GRM8: variants seen among roughly 807,000 people sequenced by gnomAD.
The protein encoded by GRM8 is metabotropic glutamate receptor 8.
A neutral mutation model predicts 87.2 loss-of-function variants in GRM8; 47 were observed. The observed-to-expected ratio is 0.54, with a 90% CI of 0.43 to 0.69. The LOEUF is 0.69. GRM8 is among the 30% of genes least tolerant of loss of function. The pLI, the probability that GRM8 is intolerant of heterozygous loss-of-function variation, is 0.00. For synonymous variants in GRM8, 396 were observed against 404.5 expected (o/e 0.98, Z 0.25); for missense variants, 1,019 against 1,139.2 (o/e 0.89, Z 1.52).
intron 7 of GRM8, among the ~76,000 whole-genome samples, chr7:126,631,854 T>A (rs1412950800): frequency 6.6e-6 from 1 of 152,154 alleles, no homozygotes; most frequent in Non-Finnish European, 1.5e-5. Context: ...ACTGGATCCC[T>A]TTTTTACACC....
chr7:126,836,329 TGGGAGCACCACCA>T (rs1384534001), intron 6 of GRM8, among the ~76,000 whole-genome samples: 1 of 152,200 alleles, frequency 6.6e-6, no homozygotes, highest in African/African-American at 2.4e-5. Flanking sequence ...AAAAATTTCC[TGGGAGCACCACCA>T]GAAGAATGAT....
At chr7:126,607,140 A>G (rs1798440409) in intron 8 of GRM8, among the ~76,000 whole-genome samples, 2 of 152,218 alleles carry the variant, frequency 1.3e-5, no homozygotes, top group South Asian at 4.1e-4. Context: ...TCAAAAAGCT[A>G]TTGATTATCA....
At chr7:127,190,066 G>C (rs1043362292) in intron 2 of GRM8, among the ~76,000 whole-genome samples, 3 of 152,224 alleles carry the variant, frequency 2.0e-5, no homozygotes, top group African/African-American at 4.8e-5. Flanking sequence ...CACGTCTGCA[G>C]TCAGCTGGCA....
At chr7:126,606,453 T>A (rs976226184) in intron 8 of GRM8, among the ~76,000 whole-genome samples, 1 of 152,174 alleles carries the variant, frequency 6.6e-6, no homozygotes, top group Non-Finnish European at 1.5e-5. Flanking sequence ...ATTTTAGACA[T>A]GATAAAACTG....
intron 7 of GRM8, among the ~76,000 whole-genome samples, chr7:126,759,818 T>G (rs779709522): frequency 6.6e-6 from 1 of 152,178 alleles, no homozygotes; most frequent in Non-Finnish European, 1.5e-5. Context: ...TATCATCACC[T>G]TACATTTAAA....
chr7:127,114,760 G>C (rs944096122), intron 2 of GRM8, among the ~76,000 whole-genome samples: 18 of 152,154 alleles, frequency 1.2e-4, no homozygotes, highest in African/African-American at 3.1e-4. Context: ...CACTTACAAA[G>C]TCATATGTTG....
rs374970421 is a variant in GRM8 at position 126,982,901 on chromosome 7, G to A, written c.728-78218C>T. On this transcript the variant is annotated intron_variant, in intron 3 of 10. Transcript: ENST00000339582. ...TCTGCAGTCCTGCCTGGATTGGGCT[G>A]CTGTAGTTTCCCATTGACCTTAATC... 2.6e-5 allele frequency among the ~76,000 whole-genome samples: 4 copies of A among 152,112 alleles called. No homozygotes were observed. The East Asian group carries it at 7.7e-4, about 29-fold the overall frequency.
rs1175440664 is a variant in GRM8 at position 126,786,937 on chromosome 7, T to C, written c.1157-16872A>G. Among the ~76,000 whole-genome samples the C allele has an allele frequency of 2.6e-5, 4 of 152,342 alleles. No homozygotes were observed. The East Asian group carries it at 5.8e-4, about 22-fold the overall frequency. On this transcript the variant is annotated intron_variant, in intron 6 of 10. Coordinates refer to ENST00000339582, the MANE Select transcript of GRM8 (RefSeq NM_000845.3). ...CAGAGTTATTTTCAGCATCATATTGTTTTCATTTTGCAAATGTTTTTCTGG... is the reference window on the plus strand; with the variant it reads ...CAGAGTTATTTTCAGCATCATATTGCTTTCATTTTGCAAATGTTTTTCTGG...
intron 7 of GRM8, among the ~76,000 whole-genome samples, chr7:126,756,276 T>C (rs10808227): frequency 0.35 from 53,459 of 151,884 alleles, 9,927 homozygotes; most frequent in Middle Eastern, 0.46. Context: ...AAATGAATCA[T>C]ATAGACCTAA....
chr7:126,661,693 C>T (rs1805194235), intron 7 of GRM8, among the ~76,000 whole-genome samples: 1 of 152,198 alleles, frequency 6.6e-6, no homozygotes. Flanking sequence ...TTATGTGCCT[C>T]ACTCAGGGGG....
At chr7:127,137,918 T>A (rs747810821) in intron 2 of GRM8, among the ~76,000 whole-genome samples, 7 of 152,174 alleles carry the variant, frequency 4.6e-5, no homozygotes, top group Non-Finnish European at 7.3e-5. Context: ...AAGTTTCAAT[T>A]TAGAGTTTGT....
chr7:126,455,384 G>C (rs1297230238), intron 9 of GRM8, among the ~76,000 whole-genome samples: 2 of 150,994 alleles, frequency 1.3e-5, no homozygotes, highest in African/African-American at 4.9e-5. Context: ...AATGTGACTT[G>C]AGTCCTCTCC....
At chr7:126,921,074 C>T (rs1032624316) in intron 3 of GRM8, among the ~76,000 whole-genome samples, 2 of 152,024 alleles carry the variant, frequency 1.3e-5, no homozygotes, top group Non-Finnish European at 2.9e-5. Flanking sequence ...GAGCCTTTAC[C>T]GTGAAAGTCA....
intron 9 of GRM8, among the ~76,000 whole-genome samples, chr7:126,507,338 A>G (rs1428796504): frequency 6.6e-6 from 1 of 152,136 alleles, no homozygotes; most frequent in Non-Finnish European, 1.5e-5. Context: ...ATGTCAATTT[A>G]TCTATCTCAT....
intron 3 of GRM8, among the ~76,000 whole-genome samples, chr7:126,999,071 T>C (rs1813462114): frequency 6.6e-6 from 1 of 151,742 alleles, no homozygotes; most frequent in African/African-American, 2.4e-5. Flanking sequence ...CCTAGACCAA[T>C]GGAACAGAAT....
intron 6 of GRM8, among the ~76,000 whole-genome samples, chr7:126,886,748 T>C (rs1238888028): frequency 3.3e-5 from 5 of 152,114 alleles, no homozygotes; most frequent in African/African-American, 1.2e-4. Context: ...TAATATCTTC[T>C]CAAGAAAGTA....
At chr7:126,798,786 A>C (rs116071690) in intron 6 of GRM8, among the ~76,000 whole-genome samples, 93 of 152,276 alleles carry the variant, frequency 6.1e-4, no homozygotes, top group African/African-American at 2.2e-3. Context: ...TGGCATTTGC[A>C]CAGGAGGTCA....
intron 4 of GRM8, 35 bp downstream of exon 4, chr7:126,904,513 T>A (rs530870988): frequency 6.3e-7 from 1 of 1,598,704 alleles, no homozygotes; most frequent in East Asian, 2.2e-5. Flanking sequence ...GGGACACAAA[T>A]CTGACCCTAC....
At chr7:126,729,774 TA>T (rs752286286) in intron 7 of GRM8, among the ~76,000 whole-genome samples, 2 of 152,166 alleles carry the variant, frequency 1.3e-5, no homozygotes, top group Non-Finnish European at 2.9e-5. Context: ...ACTGAAGCCT[TA>T]ACTCAAAATT....
Sources: gnomAD v4.1 joint callset for allele counts (sites outside exome capture counted in the v4.1 genomes callset) on GRCh38, gnomAD v4.1.1 for gene constraint, MANE v1.5 for transcripts, NCBI Gene and HGNC (gene_info 2026-07-23, HGNC 2026-07-21) for gene names.